Variants in CCDC40 observed in about 807,000 individuals in gnomAD.
CCDC40 encodes coiled-coil domain 40 molecular ruler complex subunit, also known as coiled-coil domain-containing protein 40.
CCDC40 carries 104 observed loss-of-function variants against 124.5 expected under a neutral mutation model. The ratio of observed to expected loss-of-function variants is 0.84; its 90% CI spans 0.71 to 0.98. The LOEUF (loss-of-function observed/expected upper bound fraction) is 0.98. Ranked by LOEUF, CCDC40 falls within the 50% of genes least tolerant of loss-of-function variation. The pLI is 0.00. For synonymous variants in CCDC40, 580 were observed against 602.9 expected (o/e 0.96, Z 0.56); for missense variants, 1,463 against 1,503.9 (o/e 0.97, Z 0.45).
intron 1 of CCDC40, chr17:80,037,845 G>A (rs1314949721): frequency 5.5e-6 from 2 of 366,782 alleles, no homozygotes; most frequent in Admixed American, 3.8e-5. Flanking sequence ...TATTTGAGGT[G>A]ACTTTTCTGG....
chr17:80,075,320 C>G (rs561325593), intron 10 of CCDC40, among the ~76,000 whole-genome samples: 1 of 149,704 alleles, frequency 6.7e-6, no homozygotes, highest in South Asian at 2.1e-4. Context: ...TTTTGTCGCC[C>G]AGGCTGGAGT....
chr17:80,094,737 G>T (rs959205817), intron 17 of CCDC40, among the ~76,000 whole-genome samples: 1 of 151,996 alleles, frequency 6.6e-6, no homozygotes, highest in Non-Finnish European at 1.5e-5. Context: ...TCTAACACGC[G>T]CACACATCTA....
In CCDC40 at chr17:80,084,879, T is replaced by A. The variant is rs759104776; in HGVS notation, c.2126T>A (p.Ile709Asn). The change falls in exon 13 of 20, where the codon ATC becomes AAC. Residue 709 changes from isoleucine to asparagine, a missense_variant. By Grantham distance (149) the Ile-to-Asn change is moderately radical (BLOSUM62 -3). Coordinates refer to ENST00000397545, the MANE Select transcript of CCDC40 (RefSeq NM_017950.4). ...DQDVKKVNEL[I>N]TNSQSEISRR... ...GACGTGAAGAAAGTCAACGAGCTCA[T>A]CACCAACAGCCAGAGCGAGATCTCC... The A allele has an allele frequency of 5.0e-6, 8 of 1,613,976 alleles. No homozygotes were observed. In the Admixed American group the frequency reaches 1.3e-4, roughly 27 times the overall value.
intron 10 of CCDC40, among the ~76,000 whole-genome samples, chr17:80,078,135 T>G (rs887888059): frequency 4.6e-5 from 7 of 151,798 alleles, no homozygotes; most frequent in African/African-American, 1.2e-4. Context: ...ATTGAGACCA[T>G]CCTGGCTAAC....
In CCDC40 at chr17:80,058,955, G is replaced by A. The variant is rs780647441; in HGVS notation, c.1415G>A (p.Arg472Gln). The A allele has an allele frequency of 2.9e-5, 47 of 1,614,008 alleles. No homozygotes were observed. In the South Asian group the frequency reaches 3.3e-4, roughly 11 times the overall value. Residue 472 changes from arginine (R) to glutamine (Q), a missense_variant, in exon 9 of 20, where the codon CGG becomes CAG. Coordinates refer to ENST00000397545, the MANE Select transcript of CCDC40 (RefSeq NM_017950.4). The surrounding 1 kb of genome is among the most constrained non-coding windows in gnomAD (Gnocchi z 4.2). Reference sequence around the variant, plus strand: ...TACTTGGCCCAAGCTGAGGACACCCGGATTTTAAGGAAAGCAGTGAGTGAG... The same window carrying A: ...TACTTGGCCCAAGCTGAGGACACCCAGATTTTAAGGAAAGCAGTGAGTGAG... Reference protein sequence around the residue: ...AQYLAQAEDTRILRKAVSEAC... With the variant: ...AQYLAQAEDTQILRKAVSEAC...
intron 9 of CCDC40, among the ~76,000 whole-genome samples, chr17:80,059,865 AAAAG>A (rs1468602557): frequency 6.6e-6 from 1 of 152,092 alleles, no homozygotes; most frequent in Non-Finnish European, 1.5e-5. Flanking sequence ...CAGCCAATGA[AAAAG>A]AAGGAAGAGG....
rs1338728660 is a variant in CCDC40 at position 80,100,017 on chromosome 17, G to A, written c.*242G>A. The A allele has an allele frequency of 3.7e-6, 2 of 547,846 alleles. No individual in the cohort carries two copies. Among genetic ancestry groups the A allele is most frequent in the Non-Finnish European group, 6.6e-6 (2 of 305,090 alleles). The allele number at this position is 547,846 out of a possible 1,614,324, so 33.9% of individuals were successfully genotyped here. A position where few individuals can be genotyped will look rare whatever the true frequency, so the allele number is the denominator to read the frequency against. ...CATCGCAAAGACAGAGCCTGTGACT[G>A]CAGACCCACACACCCACACTCCCAC... On this transcript the variant is annotated 3_prime_UTR_variant, in exon 20 of 20. Transcript: ENST00000397545.
intron 10 of CCDC40, chr17:80,065,991 G>A (rs757259786): frequency 2.4e-5 from 16 of 656,482 alleles, no homozygotes; most frequent in Non-Finnish European, 3.3e-5. Flanking sequence ...CATTCCAACC[G>A]AAATCCTATT....
chr17:80,084,853 G>A lies in CCDC40; in HGVS notation c.2100G>A (p.Gln700=), dbSNP rs1424040420. 1.9e-6 allele frequency: 3 copies of A among 1,614,194 alleles called. No individual in the cohort carries two copies. Residue 700 remains glutamine (Q), a synonymous_variant, in exon 13 of 20, where the codon CAG becomes CAA. Transcript: ENST00000397545. The part of the protein sequence containing the change: ...AHQKTLVELD[Q]DVKKVNELIT... Reference sequence around the variant, plus strand: ...AGAAGACCCTGGTGGAGCTGGACCAGGACGTGAAGAAAGTCAACGAGCTCA... The same window carrying A: ...AGAAGACCCTGGTGGAGCTGGACCAAGACGTGAAGAAAGTCAACGAGCTCA...
chr17:80,082,473 G>T (rs993086165), intron 12 of CCDC40, among the ~76,000 whole-genome samples: 1 of 151,788 alleles, frequency 6.6e-6, no homozygotes, highest in Non-Finnish European at 1.5e-5. Context: ...GCCTCTTCCC[G>T]AGGGGTGACC....
rs1401158503 is a variant in CCDC40, at chr17:80,090,217, A to G, written c.2832+333A>G. 5.7e-6 allele frequency: 5 copies of G among 884,410 alleles called. No individual in the cohort carries two copies. The Admixed American group carries it at 1.1e-4, about 19-fold the overall frequency. 54.8% of individuals were successfully genotyped at this position (884,410 alleles called of 1,614,324 possible). A position where few individuals can be genotyped will look rare whatever the true frequency, so the allele number is the denominator to read the frequency against. ...GACGCACGCAGGCACGTGCACGAAGAACACGGGACGCGCGCAGGCACGTGC... is the reference window on the plus strand; with the variant it reads ...GACGCACGCAGGCACGTGCACGAAGGACACGGGACGCGCGCAGGCACGTGC... On this transcript the variant is annotated intron_variant, in intron 17 of 19. Transcript: ENST00000397545.
chr17:80,081,720 GCAGAGCCAGTTCAATACCTA>G lies in CCDC40; in HGVS notation c.1741_1760del (p.Ser581AlafsTer86), dbSNP rs1487064371. 1.9e-6 allele frequency: 3 copies of G among 1,614,022 alleles called. No individual in the cohort carries two copies. The highest frequency in any genetic ancestry group is 2.5e-6 in the Non-Finnish European group (3 of 1,180,018). Reference sequence around the variant, plus strand: ...AGTGCCTGACCAAGCAGGTGGCCCTGCAGAGCCAGTTCAATACCTACAGGCTCACCCTGCAGGACACAGAG... The same window carrying G: ...AGTGCCTGACCAAGCAGGTGGCCCTGCAGGCTCACCCTGCAGGACACAGAG... On this transcript the variant is annotated frameshift_variant, in exon 11 of 20. Coordinates refer to ENST00000397545, the MANE Select transcript of CCDC40 (RefSeq NM_017950.4). LOFTEE classifies it high-confidence loss of function.
At chr17:80,061,879 G>A (rs530903967) in intron 9 of CCDC40, among the ~76,000 whole-genome samples, 3 of 116,270 alleles carry the variant, frequency 2.6e-5, no homozygotes, top group Middle Eastern at 9.7e-3. Context: ...CCCTAACCCC[G>A]CACCCTGTTA....
intron 4 of CCDC40, among the ~76,000 whole-genome samples, chr17:80,047,848 C>T (rs548060653): frequency 1.8e-4 from 28 of 152,274 alleles, no homozygotes; most frequent in African/African-American, 5.8e-4. Flanking sequence ...TTACGTAGTC[C>T]CAGTATCCCA....
chr17:80,081,593 A>C lies in CCDC40; in HGVS notation c.1610A>C (p.Tyr537Ser). The C allele has an allele frequency of 6.2e-7, 1 of 1,614,058 alleles. No homozygotes were observed. ...TCCACCGACGGCGAGATTGAGGCCTATAAGAAATCCATCATGAAGGAGGAA... is the reference window on the plus strand; with the variant it reads ...TCCACCGACGGCGAGATTGAGGCCTCTAAGAAATCCATCATGAAGGAGGAA... ...AKSTDGEIEA[Y>S]KKSIMKEEEK... The change falls in exon 11 of 20, where the codon TAT becomes TCT. Residue 537 changes from tyrosine to serine, a missense_variant. Physicochemically the swap from Tyr to Ser is moderately radical, Grantham distance 144. Transcript: ENST00000397545.
intron 18 of CCDC40, among the ~76,000 whole-genome samples, chr17:80,096,633 G>A (rs1567817728): frequency 1.4e-5 from 2 of 147,034 alleles, no homozygotes; most frequent in Admixed American, 6.8e-5. Flanking sequence ...CAGGCCCTGC[G>A]CCCCACACGA....
At chr17:80,073,918 T>C (rs910504720) in intron 10 of CCDC40, among the ~76,000 whole-genome samples, 1 of 151,912 alleles carries the variant, frequency 6.6e-6, no homozygotes, top group African/African-American at 2.4e-5. Context: ...ACTCCTGACG[T>C]CAAATGATCT....
At chr17:80,071,876 G>A (rs1031310669) in intron 10 of CCDC40, among the ~76,000 whole-genome samples, 4 of 123,906 alleles carry the variant, frequency 3.2e-5, no homozygotes, top group African/African-American at 9.6e-5. Context: ...CACTCTTGTC[G>A]CCCAGGCTGG....
At chr17:80,051,628 C>CAAAAAAAAAAA (rs200887220) in intron 7 of CCDC40, among the ~76,000 whole-genome samples, 1 of 94,134 alleles carries the variant, frequency 1.1e-5, no homozygotes, top group African/African-American at 4.0e-5. Flanking sequence ...GACTCCGTCT[C>CAAAAAAAAAAA]AAAAAAAAAA....
Sources: allele counts gnomAD v4.1 joint callset (sites outside exome capture counted in the v4.1 genomes callset), GRCh38; gene constraint gnomAD v4.1.1; non-coding constraint Gnocchi (gnomAD v3.1); transcripts MANE v1.5; gene names NCBI Gene and HGNC (gene_info 2026-07-23, HGNC 2026-07-21).